Variants in LAMA1 observed in about 807,000 individuals in gnomAD.
LAMA1 encodes laminin subunit alpha 1, also known as laminin subunit alpha-1.
LAMA1 carries 219 observed loss-of-function variants against 348.7 expected under a neutral mutation model. The observed-to-expected ratio is 0.63, with a 90% CI of 0.56 to 0.70. The LOEUF (loss-of-function observed/expected upper bound fraction) is 0.70. Ranked by LOEUF, LAMA1 falls within the 30% of genes least tolerant of loss-of-function variation. The probability of loss-of-function intolerance (pLI) is 0.00; values close to 1 mark genes in which losing one functional copy is unlikely to be tolerated. For synonymous variants in LAMA1, 1,487 were observed against 1,491.0 expected, an observed-to-expected ratio of 1.00 and a Z score of 0.06; for missense variants, 3,744 against 3,888.0, an observed-to-expected ratio of 0.96 and a Z score of 0.99.
chr18:6,979,888 G>A (rs920987626), intron 42 of LAMA1, among the ~76,000 whole-genome samples: 6 of 152,198 alleles, frequency 3.9e-5, no homozygotes, highest in African/African-American at 1.2e-4. Flanking sequence ...GACAGAGCGA[G>A]ACTCTGTCTC....
chr18:7,062,713 A>C (rs560856739), intron 3 of LAMA1, among the ~76,000 whole-genome samples: 51 of 152,332 alleles, frequency 3.3e-4, no homozygotes, highest in African/African-American at 1.2e-3. Flanking sequence ...CAGCTCGATC[A>C]GATCCCTCTC....
Position 6,942,164 on chromosome 18 carries a change from C to G in LAMA1, c.9143G>C (p.Ser3048Thr). 1 of 1,614,206 alleles carries G rather than the reference C, an allele frequency of 6.2e-7. No individual in the cohort carries two copies. Among genetic ancestry groups the G allele is most frequent in the Non-Finnish European group, 8.5e-7 (1 of 1,180,054 alleles). ...GAAGTCAAAGGACTGCACCTGCGGG[C>G]TCTTAATCAGAGCTAGCTTCCTCAA... Reference protein sequence around the residue: ...GCLRKLALIKSPQVQSFDFSR... With the variant: ...GCLRKLALIKTPQVQSFDFSR... Residue 3048 changes from serine (S) to threonine (T), a missense_variant, in exon 63 of 63, where the codon AGC becomes ACC. Physicochemically the swap from Ser to Thr is moderately conservative, Grantham distance 58. Coordinates refer to ENST00000389658, the MANE Select transcript of LAMA1 (RefSeq NM_005559.4).
intron 1 of LAMA1, among the ~76,000 whole-genome samples, chr18:7,114,616 T>C (rs1435258668): frequency 6.6e-6 from 1 of 152,246 alleles, no homozygotes; most frequent in Non-Finnish European, 1.5e-5. Context: ...GTAGGCACTA[T>C]TATTATTCCC....
At chr18:7,047,152 C>T (rs2058044908) in intron 5 of LAMA1, among the ~76,000 whole-genome samples, 1 of 151,016 alleles carries the variant, frequency 6.6e-6, no homozygotes, top group African/African-American at 2.4e-5. Flanking sequence ...TCAAGCTATT[C>T]TCCTGCCTCA....
In LAMA1 at chr18:6,995,415, T is replaced by A. The variant is rs776714085; in HGVS notation, c.4838A>T (p.Asp1613Val). ...ACCTTCAAGCTTAATTTTTCCCAGG[T>A]CCTTTTGCATATTTTCTTTTAATAA... The part of the protein sequence containing the change: ...ESLLKENMQK[D>V]LGKIKLEGVA... Residue 1613 changes from aspartate to valine, a missense_variant, in exon 34 of 63, where the codon GAC becomes GTC. This residue lies in a region of LAMA1 where 1,983 missense variants were observed against 1,934.3 expected (regional missense o/e 1.03). Coordinates refer to ENST00000389658, the MANE Select transcript of LAMA1 (RefSeq NM_005559.4). The A allele has an allele frequency of 7.4e-6, 12 of 1,611,176 alleles. No individual in the cohort carries two copies. The highest frequency in any genetic ancestry group is 1.0e-5 in the Non-Finnish European group (12 of 1,177,408).
chr18:6,950,916 T>C lies in LAMA1; in HGVS notation c.8263A>G (p.Met2755Val), dbSNP rs373014487. Residue 2755 changes from methionine to valine, a missense_variant, in exon 58 of 63, where the codon ATG becomes GTG. Around this residue, in one of 3 missense-constraint regions of LAMA1, gnomAD observed 1,983 missense variants for 1,934.3 expected, o/e 1.03. Transcript: ENST00000389658. ...TAGTCTGCTTGGTTCTGATGAGCCA[T>C]GTAGTAAATCAGGCCGCTGGAGGCG... Reference protein sequence around the residue: ...TFASSGLIYYMAHQNQADYAV... With the variant: ...TFASSGLIYYVAHQNQADYAV... 1.2e-5 allele frequency: 20 copies of C among 1,614,142 alleles called. No homozygotes were observed. The Admixed American group carries it at 3.0e-4, about 24-fold the overall frequency.
chr18:6,998,232 A>C (rs2057791736), intron 32 of LAMA1, among the ~76,000 whole-genome samples: 1 of 152,188 alleles, frequency 6.6e-6, no homozygotes, highest in East Asian at 1.9e-4. Context: ...AACAACTATG[A>C]GCAAGCATGA....
At chr18:7,101,510 G>C (rs1436692798) in intron 1 of LAMA1, among the ~76,000 whole-genome samples, 2 of 152,134 alleles carry the variant, frequency 1.3e-5, no homozygotes, top group African/African-American at 4.8e-5. Context: ...TGCTAGTAAA[G>C]GTATGTTCAT....
In LAMA1 at chr18:7,011,389, C is replaced by T. The variant is rs375915134; in HGVS notation, c.3598G>A (p.Asp1200Asn). Reference sequence around the variant, plus strand: ...ACGGTGGCGGCATCCAGCAGGAAGTCGGGGGCCTGGTAGTAAACCCCCTCG... The same window carrying T: ...ACGGTGGCGGCATCCAGCAGGAAGTTGGGGGCCTGGTAGTAAACCCCCTCG... The part of the protein sequence containing the change: ...TTEGVYYQAP[D>N]FLLDAATVRQ... The change falls in exon 25 of 63, where the codon GAC becomes AAC. Residue 1200 changes from aspartate to asparagine, a missense_variant. Physicochemically the swap from Asp to Asn is conservative, Grantham distance 23. Around this residue, in one of 3 missense-constraint regions of LAMA1, gnomAD observed 1,529 missense variants for 1,689.4 expected, o/e 0.91. Transcript: ENST00000389658. 2.4e-5 allele frequency: 39 copies of T among 1,610,706 alleles called. No homozygotes were observed. Among genetic ancestry groups the T allele is most frequent in the South Asian group, 1.2e-4 (11 of 90,134 alleles).
At chr18:6,965,239 T>C in intron 50 of LAMA1, 49 bp downstream of exon 50, 1 of 1,611,356 alleles carries the variant, frequency 6.2e-7, no homozygotes. Context: ...AAAAGATTTC[T>C]ATTCTTATGA....
chr18:7,081,004 A>G (rs1398252453), intron 1 of LAMA1, among the ~76,000 whole-genome samples: 1 of 152,180 alleles, frequency 6.6e-6, no homozygotes, highest in Non-Finnish European at 1.5e-5. Context: ...CAGAATGTCT[A>G]TTATTAAAAA....
At chr18:6,957,164 G>T in intron 55 of LAMA1, 1 of 308,734 alleles carries the variant, frequency 3.2e-6, no homozygotes, top group Non-Finnish European at 6.3e-6. Context: ...GCTTCCCCTT[G>T]CCAGGAGGTT....
intron 33 of LAMA1, among the ~76,000 whole-genome samples, chr18:6,996,735 C>A (rs556860722): frequency 6.6e-6 from 1 of 151,946 alleles, no homozygotes; most frequent in East Asian, 1.9e-4. Flanking sequence ...GCCATGACTG[C>A]GCCACTGCAT....
intron 57 of LAMA1, chr18:6,954,323 G>A (rs1370680702): frequency 3.9e-5 from 6 of 152,338 alleles, no homozygotes; most frequent in Non-Finnish European, 7.3e-5. Flanking sequence ...AGAGAGAAAG[G>A]GTTAGGGGAT....
chr18:7,022,796 T>C (rs553505533), intron 19 of LAMA1, among the ~76,000 whole-genome samples: 2 of 152,304 alleles, frequency 1.3e-5, no homozygotes, highest in South Asian at 4.1e-4. Context: ...TGGAATCCCA[T>C]CTGCCTCGTG....
intron 1 of LAMA1, among the ~76,000 whole-genome samples, chr18:7,097,156 G>C (rs1216612127): frequency 6.6e-6 from 1 of 152,072 alleles, no homozygotes; most frequent in African/African-American, 2.4e-5. Context: ...ACCGATAGCT[G>C]GACCAGCCAA....
intron 29 of LAMA1, 44 bp from the exon 30 acceptor site, chr18:7,002,429 G>C: frequency 6.2e-7 from 1 of 1,606,762 alleles, no homozygotes; most frequent in South Asian, 1.1e-5. Flanking sequence ...ATGGGAAATT[G>C]TTAGAAATCA....
chr18:6,982,620 A>G (rs1386028065), intron 40 of LAMA1, 30 bp from the exon 41 acceptor site: 1 of 1,579,964 alleles, frequency 6.3e-7, no homozygotes, highest in Non-Finnish European at 8.7e-7. Flanking sequence ...AAGCGTGGTG[A>G]GAGCAGGGCA....
chr18:6,961,891 A>C, intron 52 of LAMA1, 54 bp downstream of exon 52: 1 of 1,570,940 alleles, frequency 6.4e-7, no homozygotes, highest in Non-Finnish European at 8.8e-7. Context: ...GATGTTGATA[A>C]ATCAATGGAC....
Sources: gnomAD v4.1 joint callset for allele counts (sites outside exome capture counted in the v4.1 genomes callset) on GRCh38, gnomAD v4.1.1 for gene constraint, gnomAD v4.1.1 regional missense constraint, MANE v1.5 for transcripts, NCBI Gene and HGNC (gene_info 2026-07-23, HGNC 2026-07-21) for gene names.